SHANK2: variants seen among roughly 807,000 people sequenced by gnomAD.
SHANK2 encodes SH3 and multiple ankyrin repeat domains 2, also known as SH3 and multiple ankyrin repeat domains protein 2.
A neutral mutation model predicts 133.7 loss-of-function variants in SHANK2; 43 were observed. The ratio of observed to expected loss-of-function variants is 0.32; its 90% CI spans 0.25 to 0.41. SHANK2 has a LOEUF of 0.41. SHANK2 is among the 10% of genes least tolerant of loss of function. SHANK2 has a pLI of 1.00. For synonymous variants in SHANK2, 1,017 were observed against 952.8 expected (o/e 1.07, Z -1.24); for missense variants, 1,994 against 2,235.8 (o/e 0.89, Z 2.18).
chr11:70,808,228 GTCTCCC>G (rs1948204253), intron 12 of SHANK2, among the ~76,000 whole-genome samples: 1 of 152,176 alleles, frequency 6.6e-6, no homozygotes, highest in Middle Eastern at 3.4e-3. Context: ...TTGAGACAAA[GTCTCCC>G]TCTGTCACCC....
chr11:70,502,038 C>T, intron 19 of SHANK2, 107 bp from the exon 20 acceptor site: 1 of 1,374,352 alleles, frequency 7.3e-7, no homozygotes, highest in South Asian at 1.2e-5. Flanking sequence ...GAGGTGCACA[C>T]ATGGGGCTGC....
chr11:70,704,154 G>C (rs1314844765), intron 14 of SHANK2, among the ~76,000 whole-genome samples: 3 of 152,240 alleles, frequency 2.0e-5, no homozygotes. Flanking sequence ...GAGACAGAGA[G>C]ACCCAGAGAG....
intron 15 of SHANK2, among the ~76,000 whole-genome samples, chr11:70,692,956 T>C (rs142404308): frequency 6.6e-6 from 1 of 152,320 alleles, no homozygotes; most frequent in African/African-American, 2.4e-5. Context: ...CATGTTCCTT[T>C]TGAGCAGACC....
intron 12 of SHANK2, among the ~76,000 whole-genome samples, chr11:70,819,385 C>T (rs1948471124): frequency 6.6e-6 from 1 of 152,162 alleles, no homozygotes; most frequent in South Asian, 2.1e-4. Context: ...CGGCCACTGC[C>T]CCTGCAGGTG....
intron 8 of SHANK2, among the ~76,000 whole-genome samples, chr11:71,079,573 A>C (rs2135996978): frequency 6.6e-6 from 1 of 151,966 alleles, no homozygotes; most frequent in East Asian, 2.0e-4. Context: ...ATCCTGGCTA[A>C]CACAGTGAAA....
chr11:71,200,251 C>T (rs1012611672), intron 2 of SHANK2, among the ~76,000 whole-genome samples: 5 of 152,166 alleles, frequency 3.3e-5, no homozygotes, highest in East Asian at 3.9e-4. Context: ...TTTCACCACA[C>T]GTAATGTCCT....
intron 14 of SHANK2, among the ~76,000 whole-genome samples, chr11:70,711,937 T>C (rs1191931831): frequency 6.6e-6 from 1 of 152,134 alleles, no homozygotes; most frequent in African/African-American, 2.4e-5. Flanking sequence ...GATGGTGGCC[T>C]GGGCTCCTGC....
chr11:70,899,917 T>A (rs1182040896), intron 10 of SHANK2, among the ~76,000 whole-genome samples: 1 of 152,214 alleles, frequency 6.6e-6, no homozygotes, highest in Non-Finnish European at 1.5e-5. Flanking sequence ...AAATCCAGAC[T>A]GGTACTATGT....
At chr11:71,221,884 C>T (rs1555121206) in intron 2 of SHANK2, among the ~76,000 whole-genome samples, 2 of 152,050 alleles carry the variant, frequency 1.3e-5, no homozygotes, top group Non-Finnish European at 2.9e-5. Flanking sequence ...GCCCACAAGA[C>T]AATGTTCATG....
intron 17 of SHANK2, among the ~76,000 whole-genome samples, chr11:70,613,777 T>TTTTTTC (rs1554995121): frequency 1.3e-5 from 2 of 149,872 alleles, no homozygotes; most frequent in Non-Finnish European, 3.0e-5. Flanking sequence ...TTTTTTTTTT[T>TTTTTTC]TCTTTGAGAT....
chr11:71,101,858 T>C (rs1019569970), intron 6 of SHANK2, among the ~76,000 whole-genome samples: 12 of 152,128 alleles, frequency 7.9e-5, no homozygotes, highest in Admixed American at 2.0e-4. Flanking sequence ...AAGCCGGAGT[T>C]GGGGGGCGGC....
At chr11:71,132,404 C>G (rs868916959) in intron 3 of SHANK2, among the ~76,000 whole-genome samples, 1 of 152,300 alleles carries the variant, frequency 6.6e-6, no homozygotes. Context: ...GGCCCCAAAC[C>G]ACAATACTCC....
intron 17 of SHANK2, among the ~76,000 whole-genome samples, chr11:70,540,772 G>C (rs2059610812): frequency 6.6e-6 from 1 of 150,670 alleles, no homozygotes; most frequent in African/African-American, 2.4e-5. Context: ...CCACTCGGGA[G>C]GCTGAGGCAG....
intron 10 of SHANK2, among the ~76,000 whole-genome samples, chr11:70,948,070 A>C (rs1950775599): frequency 1.4e-5 from 2 of 144,638 alleles, no homozygotes; most frequent in African/African-American, 2.6e-5. Flanking sequence ...TGTCAGCCCC[A>C]CTCTTTGAGA....
intron 17 of SHANK2, among the ~76,000 whole-genome samples, chr11:70,530,495 C>T (rs1477296549): frequency 1.3e-5 from 2 of 152,140 alleles, no homozygotes; most frequent in Non-Finnish European, 2.9e-5. Flanking sequence ...ATGATCATAC[C>T]ACTGCACTCC....
intron 17 of SHANK2, among the ~76,000 whole-genome samples, chr11:70,555,357 C>CATGTTGA (rs1235389038): frequency 6.6e-6 from 1 of 152,208 alleles, no homozygotes. Flanking sequence ...GTGAGGAAGG[C>CATGTTGA]ATGTTGAAAG....
At chr11:70,701,539 T>C (rs1163959668) in intron 14 of SHANK2, among the ~76,000 whole-genome samples, 1 of 152,150 alleles carries the variant, frequency 6.6e-6, no homozygotes, top group Non-Finnish European at 1.5e-5. Context: ...TAGCTAGGAC[T>C]ACAGGTGCGT....
At chr11:70,662,906 G>A (rs1258131618) in intron 15 of SHANK2, among the ~76,000 whole-genome samples, 1 of 152,102 alleles carries the variant, frequency 6.6e-6, no homozygotes, top group Non-Finnish European at 1.5e-5. Context: ...GAAGGGGAGT[G>A]AGATGAAGGC....
intron 17 of SHANK2, among the ~76,000 whole-genome samples, chr11:70,537,491 C>G (rs2059560407): frequency 6.6e-6 from 1 of 152,224 alleles, no homozygotes; most frequent in Non-Finnish European, 1.5e-5. Context: ...AGGATGCAGC[C>G]AAGCCAAGGA....
Sources: allele counts gnomAD v4.1 joint callset (sites outside exome capture counted in the v4.1 genomes callset), GRCh38; gene constraint gnomAD v4.1.1; transcripts MANE v1.5; gene names NCBI Gene and HGNC (gene_info 2026-07-23, HGNC 2026-07-21).